QTGAL: variants seen among roughly 807,000 people sequenced by gnomAD.
QTGAL encodes the protein BGnT-like protein 1.
At chr17:83,032,319 T>C in the QTGAL span, among the ~76,000 whole-genome samples, 2,575 of 49,564 alleles carry the variant, frequency 0.052, 231 homozygotes, top group East Asian at 0.11. Context: ...GCCAGGCCTC[T>C]GACGCAGACC....
the QTGAL span, among the ~76,000 whole-genome samples, chr17:82,989,920 C>T: frequency 1.3e-5 from 2 of 152,092 alleles, no homozygotes; most frequent in Admixed American, 6.5e-5. Flanking sequence ...AGAAACAGTC[C>T]CTAAGAGCTG....
the QTGAL span, among the ~76,000 whole-genome samples, chr17:82,964,489 C>T: frequency 1.2e-4 from 19 of 152,106 alleles, no homozygotes; most frequent in Non-Finnish European, 2.4e-4. Context: ...GTATTTAAAA[C>T]GGACGCCTAC....
chr17:82,957,332 A>C, the QTGAL span: 1 of 1,613,720 alleles, frequency 6.2e-7, no homozygotes, highest in Non-Finnish European at 8.5e-7. Flanking sequence ...CAGGGCAGGC[A>C]GTGTTGGAGG....
At chr17:82,969,488 C>T in the QTGAL span, among the ~76,000 whole-genome samples, 4 of 151,982 alleles carry the variant, frequency 2.6e-5, no homozygotes, top group Admixed American at 6.6e-5. Flanking sequence ...GGATTACAGG[C>T]GTGAGCCACT....
the QTGAL span, among the ~76,000 whole-genome samples, chr17:83,034,038 T>G: frequency 6.6e-6 from 1 of 151,850 alleles, no homozygotes; most frequent in Non-Finnish European, 1.5e-5. Flanking sequence ...CCTCCTGGGT[T>G]CAAGCGATTC....
At chr17:83,046,849 C>T in the QTGAL span, among the ~76,000 whole-genome samples, 1 of 152,164 alleles carries the variant, frequency 6.6e-6, no homozygotes, top group African/African-American at 2.4e-5. Context: ...AACAGACACA[C>T]AAAACATGGT....
chr17:82,951,314 ACT>A, the QTGAL span, among the ~76,000 whole-genome samples: 1 of 152,114 alleles, frequency 6.6e-6, no homozygotes, highest in Non-Finnish European at 1.5e-5. Flanking sequence ...CTCACCTCAC[ACT>A]CATATTACGG....
At chr17:83,008,024 A>C in the QTGAL span, among the ~76,000 whole-genome samples, 2 of 141,292 alleles carry the variant, frequency 1.4e-5, no homozygotes, top group African/African-American at 5.2e-5. Flanking sequence ...CCTCTGCAGG[A>C]GACCTCGCGC....
chr17:82,947,887 G>C, the QTGAL span: 1 of 152,250 alleles, frequency 6.6e-6, no homozygotes, highest in Non-Finnish European at 1.5e-5. Flanking sequence ...CTGCTCTAGA[G>C]TTTGCAAAGG....
the QTGAL span, among the ~76,000 whole-genome samples, chr17:82,996,943 C>A: frequency 6.6e-6 from 1 of 152,184 alleles, no homozygotes; most frequent in Non-Finnish European, 1.5e-5. Context: ...TATGAAACTA[C>A]TGAAAGAAAA....
the QTGAL span, among the ~76,000 whole-genome samples, chr17:83,030,244 C>A: frequency 4.6e-5 from 7 of 152,150 alleles, no homozygotes; most frequent in Non-Finnish European, 1.0e-4. Flanking sequence ...CCCTACAGTA[C>A]TAAGTTCTCC....
At chr17:83,000,024 G>A in the QTGAL span, among the ~76,000 whole-genome samples, 18 of 152,162 alleles carry the variant, frequency 1.2e-4, no homozygotes, top group South Asian at 2.7e-3. Context: ...GTGCAGTGGC[G>A]CGATCTCAGC....
chr17:83,016,008 G>T, the QTGAL span, among the ~76,000 whole-genome samples: 5 of 152,178 alleles, frequency 3.3e-5, no homozygotes, highest in African/African-American at 9.7e-5. Flanking sequence ...ACTTTTTGGG[G>T]GGAAGTCGAG....
the QTGAL span, among the ~76,000 whole-genome samples, chr17:82,958,524 G>A: frequency 5.3e-5 from 8 of 152,132 alleles, no homozygotes; most frequent in Non-Finnish European, 1.0e-4. Flanking sequence ...TGCTGCCTCC[G>A]CCTCCCGGGA....
chr17:82,989,714 C>G, the QTGAL span, among the ~76,000 whole-genome samples: 2 of 152,000 alleles, frequency 1.3e-5, no homozygotes, highest in Non-Finnish European at 2.9e-5. Flanking sequence ...CAAAAAGATG[C>G]ATAAATGAAT....
chr17:83,007,027 C>CT, the QTGAL span: 1 of 382,810 alleles, frequency 2.6e-6, no homozygotes, highest in Non-Finnish European at 3.6e-6. Context: ...TGGCACCGTG[C>CT]TTTAACACAG....
At chr17:83,010,057 G>A in the QTGAL span, among the ~76,000 whole-genome samples, 4 of 125,986 alleles carry the variant, frequency 3.2e-5, no homozygotes. Flanking sequence ...GGGCTGGGGG[G>A]GCTGTGGGGG....
At chr17:82,942,480 C>G in the QTGAL span, 1 of 1,613,980 alleles carries the variant, frequency 6.2e-7, no homozygotes, top group Non-Finnish European at 8.5e-7. Flanking sequence ...TCCTGGAGCC[C>G]ATACCTCACC....
At chr17:83,034,797 G>A in the QTGAL span, among the ~76,000 whole-genome samples, 13 of 152,280 alleles carry the variant, frequency 8.5e-5, no homozygotes, top group Middle Eastern at 3.4e-3. Context: ...TCAGACATGC[G>A]CGACTGTGAG....
Sources: allele counts gnomAD v4.1 joint callset (sites outside exome capture counted in the v4.1 genomes callset), GRCh38; gene constraint gnomAD v4.1.1; transcripts MANE v1.5; gene names NCBI Gene and HGNC (gene_info 2026-07-23, HGNC 2026-07-21).